Variants in TMEM132C observed in about 807,000 individuals in gnomAD.
The protein encoded by TMEM132C is transmembrane protein 132C.
TMEM132C carries 29 observed loss-of-function variants against 61.4 expected under a neutral mutation model. The observed-to-expected ratio is 0.47, with a 90% CI of 0.35 to 0.64. TMEM132C has a LOEUF of 0.64. TMEM132C is among the 30% of genes least tolerant of loss of function. TMEM132C has a pLI of 0.00. For synonymous variants in TMEM132C, 656 were observed against 633.1 expected, an observed-to-expected ratio of 1.04 and a Z score of -0.54; for missense variants, 1,408 against 1,476.9, an observed-to-expected ratio of 0.95 and a Z score of 0.76.
chr12:128,592,045 C>CAAAA (rs1165038921), intron 3 of TMEM132C, among the ~76,000 whole-genome samples: 1 of 50,950 alleles, frequency 2.0e-5, no homozygotes, highest in Non-Finnish European at 3.6e-5. Flanking sequence ...GAGTGAGACT[C>CAAAA]AAAAAAAAAA....
At chr12:128,636,139 C>A (rs1045131090) in intron 4 of TMEM132C, among the ~76,000 whole-genome samples, 2 of 152,160 alleles carry the variant, frequency 1.3e-5, no homozygotes, top group Non-Finnish European at 2.9e-5. Context: ...CAGTCTTGAC[C>A]TCCTGGGCTC....
At chr12:128,348,056 C>T (rs1873227770) in intron 1 of TMEM132C, among the ~76,000 whole-genome samples, 1 of 152,202 alleles carries the variant, frequency 6.6e-6, no homozygotes, top group Non-Finnish European at 1.5e-5. Flanking sequence ...CAATATGCAT[C>T]TTCCAGTCCA....
intron 1 of TMEM132C, among the ~76,000 whole-genome samples, chr12:128,357,959 C>T (rs1469227665): frequency 6.6e-6 from 1 of 152,086 alleles, no homozygotes; most frequent in East Asian, 1.9e-4. Context: ...ACGGCCCCAC[C>T]CTGCTCAGGG....
At chr12:128,679,895 C>A (rs1954620260) in intron 5 of TMEM132C, among the ~76,000 whole-genome samples, 1 of 152,074 alleles carries the variant, frequency 6.6e-6, no homozygotes, top group Non-Finnish European at 1.5e-5. Flanking sequence ...TCATGGTCAA[C>A]CATCATGGAA....
intron 8 of TMEM132C, among the ~76,000 whole-genome samples, chr12:128,701,357 C>T (rs940285998): frequency 6.6e-5 from 10 of 152,144 alleles, no homozygotes; most frequent in Non-Finnish European, 1.0e-4. Context: ...CACAGGCTCA[C>T]CCCTCAGAGC....
At chr12:128,329,294 A>G (rs1401321673) in intron 1 of TMEM132C, among the ~76,000 whole-genome samples, 1 of 152,102 alleles carries the variant, frequency 6.6e-6, no homozygotes, top group Non-Finnish European at 1.5e-5. Flanking sequence ...TAAAATATAT[A>G]TATATACTTT....
chr12:128,450,426 T>C (rs945024048), intron 2 of TMEM132C, among the ~76,000 whole-genome samples: 4 of 152,274 alleles, frequency 2.6e-5, no homozygotes, highest in Non-Finnish European at 5.9e-5. Flanking sequence ...TTCTCACTGT[T>C]TTATTTCCAA....
intron 4 of TMEM132C, among the ~76,000 whole-genome samples, chr12:128,649,753 C>G (rs1239390259): frequency 1.3e-5 from 2 of 152,166 alleles, no homozygotes; most frequent in African/African-American, 4.8e-5. Flanking sequence ...CATGTGCCAC[C>G]CCAAAGGACG....
intron 2 of TMEM132C, among the ~76,000 whole-genome samples, chr12:128,508,383 A>G (rs371074009): frequency 1.3e-5 from 2 of 152,222 alleles, no homozygotes; most frequent in East Asian, 1.9e-4. Flanking sequence ...GAGCCAAACC[A>G]TATCAGTGGG....
intron 4 of TMEM132C, among the ~76,000 whole-genome samples, chr12:128,665,732 G>A (rs1199505412): frequency 1.6e-5 from 2 of 126,710 alleles, no homozygotes; most frequent in Non-Finnish European, 3.3e-5. Flanking sequence ...CACAAACACA[G>A]GCACACACAT....
chr12:128,375,938 C>T (rs1472693379), intron 1 of TMEM132C, among the ~76,000 whole-genome samples: 3 of 152,200 alleles, frequency 2.0e-5, no homozygotes, highest in Non-Finnish European at 4.4e-5. Flanking sequence ...GGTGACTTTG[C>T]ATACCTAGGC....
intron 1 of TMEM132C, among the ~76,000 whole-genome samples, chr12:128,332,022 C>T (rs371852327): frequency 1.5e-3 from 226 of 152,258 alleles, no homozygotes; most frequent in African/African-American, 4.8e-3. Flanking sequence ...GCCCTGATGA[C>T]GCCTGTAGGT....
rs1245681592 is a variant in TMEM132C at position 128,544,031 on chromosome 12, A to C, written c.1049A>C (p.Glu350Ala). The C allele has an allele frequency of 6.5e-7, 1 of 1,548,330 alleles. No homozygotes were observed. The highest frequency in any genetic ancestry group is 8.7e-7 in the Non-Finnish European group (1 of 1,145,614). ...REPRQWGVKQ[E>A]VGSGGKHVTA... ...CCCCGGCAGTGGGGCGTCAAGCAGG[A>C]GGTGGGCAGCGGCGGAAAGCACGTG... Residue 350 changes from glutamate (E) to alanine (A), a missense_variant, in exon 3 of 9, where the codon GAG becomes GCG. Coordinates refer to ENST00000435159, the MANE Select transcript of TMEM132C (RefSeq NM_001136103.3).
intron 2 of TMEM132C, among the ~76,000 whole-genome samples, chr12:128,499,130 C>A (rs1872071052): frequency 6.6e-6 from 1 of 152,098 alleles, no homozygotes; most frequent in Non-Finnish European, 1.5e-5. Flanking sequence ...TCAAATCTTA[C>A]TACAATGCTA....
intron 4 of TMEM132C, among the ~76,000 whole-genome samples, chr12:128,641,921 A>G (rs555326442): frequency 6.7e-6 from 1 of 150,268 alleles, no homozygotes; most frequent in Admixed American, 6.6e-5. Flanking sequence ...CTGCCTCCCC[A>G]GTAGCTGGGA....
chr12:128,378,751 C>T (rs188913192), intron 1 of TMEM132C, among the ~76,000 whole-genome samples: 31 of 152,202 alleles, frequency 2.0e-4, no homozygotes, highest in African/African-American at 5.5e-4. Context: ...TGAGGTGATA[C>T]GGTTTGTCGG....
At chr12:128,288,799 T>A (rs952305599) in intron 1 of TMEM132C, 19 of 152,280 alleles carry the variant, frequency 1.2e-4, no homozygotes, top group Admixed American at 1.2e-3. Context: ...AGCCCTTTTC[T>A]TTTACAACCT....
intron 2 of TMEM132C, among the ~76,000 whole-genome samples, chr12:128,483,171 G>A (rs1057419751): frequency 6.7e-6 from 1 of 150,100 alleles, no homozygotes; most frequent in African/African-American, 2.5e-5. Flanking sequence ...GGGAGGCTGA[G>A]GTGGGGCGAT....
intron 4 of TMEM132C, among the ~76,000 whole-genome samples, chr12:128,632,398 A>C (rs1954071263): frequency 6.6e-6 from 1 of 152,218 alleles, no homozygotes; most frequent in African/African-American, 2.4e-5. Flanking sequence ...CTCCATGTTC[A>C]TAGGAAATTG....
Sources: allele counts gnomAD v4.1 joint callset (sites outside exome capture counted in the v4.1 genomes callset), GRCh38; gene constraint gnomAD v4.1.1; transcripts MANE v1.5; gene names NCBI Gene and HGNC (gene_info 2026-07-23, HGNC 2026-07-21).